ZFP42: variants seen among roughly 807,000 people sequenced by gnomAD.
The protein encoded by ZFP42 is ZFP42 zinc finger protein.
For missense variants in ZFP42, 438 were observed against 377.1 expected (o/e 1.16, Z -1.34); for synonymous variants, 175 against 144.6 (o/e 1.21, Z -1.51).
At chr4:187,997,225 A>ATTTTTTTTTTTT (rs1484017532) in intron 1 of ZFP42, among the ~76,000 whole-genome samples, 1 of 36,500 alleles carries the variant, frequency 2.7e-5, no homozygotes, top group Non-Finnish European at 4.6e-5. Flanking sequence ...CCCCTCTCAT[A>ATTTTTTTTTTTT]TTCTTTTTTT....
chr4:187,997,462 C>T (rs1733646604), intron 1 of ZFP42, among the ~76,000 whole-genome samples: 2 of 151,342 alleles, frequency 1.3e-5, no homozygotes, highest in African/African-American at 4.9e-5. Context: ...CTCCTGACCT[C>T]GTGATCCGCC....
chr4:188,002,539 C>CA (rs1328440716), intron 3 of ZFP42, among the ~76,000 whole-genome samples, 174 bp from the exon 4 acceptor site: 1 of 152,218 alleles, frequency 6.6e-6, no homozygotes, highest in Non-Finnish European at 1.5e-5. Flanking sequence ...CTTGTGGGGA[C>CA]ACCCAGATAA....
rs1399827106 is a variant in ZFP42, at chr4:188,002,965, A to G, written c.158A>G (p.Tyr53Cys). ...VSAVWALCDG[Y>C]VCYEPGPQAL... The stretch of plus-strand genomic sequence containing the variant: ...GCGGTGTGGGCCTTATGTGATGGCT[A>G]TGTGTGCTATGAGCCTGGCCCTCAG... The change falls in exon 4 of 4, where the codon TAT becomes TGT. Residue 53 changes from tyrosine to cysteine, a missense_variant. Coordinates refer to ENST00000326866, the MANE Select transcript of ZFP42 (RefSeq NM_174900.5). The G allele has an allele frequency of 1.1e-5, 17 of 1,613,942 alleles. No homozygotes were observed. The highest frequency in any genetic ancestry group is 4.5e-5 in the East Asian group (2 of 44,864).
At chr4:187,997,067 G>A (rs1219590719) in intron 1 of ZFP42, among the ~76,000 whole-genome samples, 2 of 150,068 alleles carry the variant, frequency 1.3e-5, no homozygotes, top group Non-Finnish European at 3.0e-5. Flanking sequence ...CAGCCCCCGG[G>A]GAGCGCCGGC....
chr4:188,000,571 G>C (rs919048252), intron 3 of ZFP42, among the ~76,000 whole-genome samples: 1 of 151,988 alleles, frequency 6.6e-6, no homozygotes, highest in Admixed American at 6.6e-5. Flanking sequence ...ACAGGGTTCC[G>C]CCATATTGGC....
At position 188,003,822 on chromosome 4, in the gene ZFP42, T is replaced by C. The variant is rs1332990990; in HGVS notation, c.*82T>C. ...ATTGATTATTGTTTCTAGGAAGGAATTTCTAAATCAATATTGCAACCCCAA... is the reference window on the plus strand; with the variant it reads ...ATTGATTATTGTTTCTAGGAAGGAACTTCTAAATCAATATTGCAACCCCAA... On this transcript the variant is annotated 3_prime_UTR_variant, in exon 4 of 4. Transcript: ENST00000326866. 14 of 1,416,038 alleles carry C rather than the reference T, an allele frequency of 9.9e-6. No individual in the cohort carries two copies. Among genetic ancestry groups the C allele is most frequent in the Non-Finnish European group, 1.3e-5 (14 of 1,056,044 alleles). The allele number at this position is 1,416,038 out of a possible 1,614,324, so 87.7% of individuals were successfully genotyped here.
In ZFP42 at chr4:188,003,269, T is replaced by C. The variant is rs1259584642; in HGVS notation, c.462T>C (p.Pro154=). 1 of 1,614,090 alleles carries C rather than the reference T, an allele frequency of 6.2e-7. No individual in the cohort carries two copies. ...SEYMTGKKLP[P]GGIPGIDLSD... is the part of the protein sequence containing the mutation. ...ACATGACAGGCAAGAAGCTTCCGCC[T>C]GGAGGAATACCTGGCATTGACCTAT... Residue 154 remains proline, a synonymous_variant, in exon 4 of 4, where the codon CCT becomes CCC. Transcript: ENST00000326866.
Position 188,003,167 on chromosome 4 carries a change from G to T in ZFP42, c.360G>T (p.Leu120Phe). The change falls in exon 4 of 4, where the codon TTG becomes TTT. Residue 120 changes from leucine to phenylalanine, a missense_variant. Coordinates refer to ENST00000326866, the MANE Select transcript of ZFP42 (RefSeq NM_174900.5). ...AAGCAAGCTCCCTTGAATGTTCTTTGGAATACATGAAAAAAGGGGTAAAGA... is the reference window on the plus strand; with the variant it reads ...AAGCAAGCTCCCTTGAATGTTCTTTTGAATACATGAAAAAAGGGGTAAAGA... ...VFEASSLECS[L>F]EYMKKGVKKE... The T allele has an allele frequency of 6.2e-7, 1 of 1,613,900 alleles. No homozygotes were observed. Among genetic ancestry groups the T allele is most frequent in the African/African-American group, 1.3e-5 (1 of 74,962 alleles).
Position 188,003,769 on chromosome 4 carries a change from G to T in ZFP42, c.*29G>T. The T allele has an allele frequency of 6.4e-7, 1 of 1,573,980 alleles. No individual in the cohort carries two copies. Among genetic ancestry groups the T allele is most frequent in the South Asian group, 1.2e-5 (1 of 86,342 alleles). On this transcript the variant is annotated 3_prime_UTR_variant, in exon 4 of 4. Transcript: ENST00000326866. ...TCCAACAGGATGAAGCAGATTAACAGAAGAGTGATCAGTGACAAACATGCC... is the reference window on the plus strand; with the variant it reads ...TCCAACAGGATGAAGCAGATTAACATAAGAGTGATCAGTGACAAACATGCC...
intron 1 of ZFP42, among the ~76,000 whole-genome samples, chr4:187,996,676 G>A (rs983991660): frequency 6.6e-6 from 1 of 152,104 alleles, no homozygotes; most frequent in South Asian, 2.1e-4. Context: ...TGCAGGGCGA[G>A]GGGGTGGTTC....
rs1264456303 is a variant in ZFP42 at position 188,003,466 on chromosome 4, C to T, written c.659C>T (p.Ala220Val). 7 of 1,613,968 alleles carry T rather than the reference C, an allele frequency of 4.3e-6. No individual in the cohort carries two copies. The East Asian group carries it at 8.9e-5, about 21-fold the overall frequency. Residue 220 changes from alanine (A) to valine (V), a missense_variant, in exon 4 of 4, where the codon GCG (alanine) becomes GTG (valine). Ala to Val is a moderately conservative substitution (Grantham distance 64). Transcript: ENST00000326866. ...LIHGPRDHVC[A>V]ECGKAFVESS... ...CATGGTCCCCGAGACCACGTCTGTGCGGAATGTGGGAAAGCGTTCGTTGAG... is the reference window on the plus strand; with the variant it reads ...CATGGTCCCCGAGACCACGTCTGTGTGGAATGTGGGAAAGCGTTCGTTGAG...
In ZFP42 at chr4:188,002,749, CCTGGAGGTGGTTGATATATCCTGGTGT is replaced by C; in HGVS notation, c.-58_-32del. 1 of 1,443,480 alleles carries C rather than the reference CCTGGAGGTGGTTGATATATCCTGGTGT, an allele frequency of 6.9e-7. No individual in the cohort carries two copies. The highest frequency in any genetic ancestry group is 9.6e-7 in the Non-Finnish European group (1 of 1,040,122). 89.4% of individuals were successfully genotyped at this position (1,443,480 alleles called of 1,614,324 possible). A position where few individuals can be genotyped will look rare whatever the true frequency, so the allele number is the denominator to read the frequency against. On this transcript the variant is annotated 5_prime_UTR_variant, in exon 4 of 4. Transcript: ENST00000326866. The stretch of plus-strand genomic sequence containing the variant: ...AGACAGCTTACTCAGATCACTACTG[CCTGGAGGTGGTTGATATATCCTGGTGT>C]AAACCTTCAAGAAGGGCACAGGCAG...
chr4:187,997,225 A>ATTTTTTTTTTT (rs1484017532), intron 1 of ZFP42, among the ~76,000 whole-genome samples: 2 of 36,496 alleles, frequency 5.5e-5, no homozygotes, highest in Admixed American at 2.8e-4. Flanking sequence ...CCCCTCTCAT[A>ATTTTTTTTTTT]TTCTTTTTTT....
At chr4:187,997,228 C>CTTTTTTTTTTTTTTTT (rs71595201) in intron 1 of ZFP42, among the ~76,000 whole-genome samples, 1,229 of 60,006 alleles carry the variant, frequency 0.02, 305 homozygotes, top group African/African-American at 0.023. Flanking sequence ...CTCTCATATT[C>CTTTTTTTTTTTTTTTT]TTTTTTTTTT....
intron 1 of ZFP42, among the ~76,000 whole-genome samples, chr4:187,997,724 T>G (rs1364235985): frequency 2.0e-5 from 3 of 152,142 alleles, no homozygotes; most frequent in Non-Finnish European, 2.9e-5. Context: ...CAGTATGTTT[T>G]CCATGTACAG....
At chr4:188,002,625 A>G (rs753619169) in intron 3 of ZFP42, 88 bp from the exon 4 acceptor site, 3 of 605,088 alleles carry the variant, frequency 5.0e-6, no homozygotes, top group Non-Finnish European at 8.9e-6. Flanking sequence ...AGACAAATGT[A>G]TTATTGGAAA....
chr4:188,003,493 G>A lies in ZFP42; in HGVS notation c.686G>A (p.Ser229Asn), dbSNP rs757439697. Residue 229 changes from serine (S) to asparagine (N), a missense_variant, in exon 4 of 4, where the codon AGC (serine) becomes AAC (asparagine). Transcript: ENST00000326866. The stretch of plus-strand genomic sequence containing the variant: ...GAATGTGGGAAAGCGTTCGTTGAGA[G>A]CTCAAAACTAAAGAGACATTTCCTG... Reference protein sequence around the residue: ...CAECGKAFVESSKLKRHFLVH... With the variant: ...CAECGKAFVENSKLKRHFLVH... 32 of 1,613,650 alleles carry A rather than the reference G, an allele frequency of 2.0e-5. No individual in the cohort carries two copies. The East Asian group carries it at 5.8e-4, about 29-fold the overall frequency.
Position 188,002,842 on chromosome 4 carries a change from G to C in ZFP42, c.35G>C (p.Arg12Thr). Reference protein sequence around the residue: ...SQQLKKRAKTRHQKGLGGRAP... With the variant: ...SQQLKKRAKTTHQKGLGGRAP... Reference sequence around the variant, plus strand: ...CAACTGAAGAAACGGGCAAAGACAAGACACCAGAAAGGCCTGGGTGGAAGA... The same window carrying C: ...CAACTGAAGAAACGGGCAAAGACAACACACCAGAAAGGCCTGGGTGGAAGA... Residue 12 changes from arginine (R) to threonine (T), a missense_variant, in exon 4 of 4, where the codon AGA becomes ACA. Transcript: ENST00000326866. The C allele has an allele frequency of 6.2e-7, 1 of 1,614,212 alleles. No homozygotes were observed. Among genetic ancestry groups the C allele is most frequent in the Non-Finnish European group, 8.5e-7 (1 of 1,180,032 alleles).
Position 188,002,769 on chromosome 4 carries a change from C to A in ZFP42, c.-39C>A, listed in dbSNP as rs1207567030. 6.3e-7 allele frequency: 1 copy of A among 1,580,878 alleles called. No individual in the cohort carries two copies. Among genetic ancestry groups the A allele is most frequent in the African/African-American group, 1.4e-5 (1 of 74,004 alleles). ...TACTGCCTGGAGGTGGTTGATATAT[C>A]CTGGTGTAAACCTTCAAGAAGGGCA... On this transcript the variant is annotated 5_prime_UTR_variant, in exon 4 of 4. Coordinates refer to ENST00000326866, the MANE Select transcript of ZFP42 (RefSeq NM_174900.5).
Sources: gnomAD v4.1 joint callset for allele counts (sites outside exome capture counted in the v4.1 genomes callset) on GRCh38, gnomAD v4.1.1 for gene constraint, MANE v1.5 for transcripts, NCBI Gene and HGNC (gene_info 2026-07-23, HGNC 2026-07-21) for gene names.